Variants in ERC2 observed in about 807,000 individuals in gnomAD.
ERC2 encodes the protein ERC protein 2.
ERC2 carries 42 observed loss-of-function variants against 114.8 expected under a neutral mutation model. That is an observed-to-expected ratio of 0.37 (90% CI 0.29 to 0.47). ERC2 has a LOEUF of 0.47. ERC2 is among the 20% of genes least tolerant of loss of function. ERC2 has a pLI of 0.99. For synonymous variants in ERC2, 454 were observed against 425.5 expected (o/e 1.07, Z -0.82); for missense variants, 939 against 1,150.7 (o/e 0.82, Z 2.66).
intron 14 of ERC2, among the ~76,000 whole-genome samples, chr3:55,829,690 T>C (rs1386955245): frequency 6.6e-6 from 1 of 152,134 alleles, no homozygotes; most frequent in Non-Finnish European, 1.5e-5. Flanking sequence ...AATTGCTTTT[T>C]AAAATTTTTT....
intron 17 of ERC2, among the ~76,000 whole-genome samples, chr3:55,621,211 A>G (rs2059315392): frequency 6.6e-6 from 1 of 151,804 alleles, no homozygotes; most frequent in East Asian, 1.9e-4. Flanking sequence ...CCAAAGACCT[A>G]AAAGAGGGAG....
chr3:56,346,665 A>G (rs1431176001), intron 2 of ERC2, among the ~76,000 whole-genome samples: 2 of 152,242 alleles, frequency 1.3e-5, no homozygotes, highest in East Asian at 3.9e-4. Flanking sequence ...CAACTCTTGC[A>G]GCAAAGGCAA....
intron 6 of ERC2, among the ~76,000 whole-genome samples, chr3:56,108,157 T>C (rs1264380619): frequency 3.9e-5 from 6 of 152,194 alleles, no homozygotes; most frequent in African/African-American, 1.4e-4. Flanking sequence ...AGCACTTTAA[T>C]TGATATTAAA....
chr3:55,806,430 C>A (rs2059496164), intron 14 of ERC2, among the ~76,000 whole-genome samples: 1 of 151,822 alleles, frequency 6.6e-6, no homozygotes, highest in Non-Finnish European at 1.5e-5. Context: ...AAGAGAGTCA[C>A]TGTCCAAAGG....
rs372154396 is a variant in ERC2 at position 56,239,111 on chromosome 3, G to A, written c.1074+56908C>T. ...GTTTATCACACTCTAATGATCAACT[G>A]GCAATTAATCCTTAACCACCTCCCA... On this transcript the variant is annotated intron_variant, in intron 3 of 17. Coordinates refer to ENST00000288221, the MANE Select transcript of ERC2 (RefSeq NM_015576.3). 8.5e-5 allele frequency among the ~76,000 whole-genome samples: 13 copies of A among 152,248 alleles called. No individual in the cohort carries two copies. In the East Asian group the frequency reaches 2.5e-3, roughly 29 times the overall value.
chr3:55,715,566 A>G (rs1266533587), intron 15 of ERC2, among the ~76,000 whole-genome samples: 2 of 152,174 alleles, frequency 1.3e-5, no homozygotes, highest in Non-Finnish European at 2.9e-5. Flanking sequence ...CAGAAACAGC[A>G]TGTGCCTGGG....
chr3:55,993,631 A>G (rs927631041), intron 10 of ERC2, among the ~76,000 whole-genome samples: 6 of 151,900 alleles, frequency 3.9e-5, no homozygotes, highest in Admixed American at 6.6e-5. Context: ...AGTTGCTTTC[A>G]TGTTCTTAAA....
chr3:56,238,109 A>G (rs1445018279), intron 3 of ERC2, among the ~76,000 whole-genome samples: 2 of 152,138 alleles, frequency 1.3e-5, no homozygotes, highest in Non-Finnish European at 2.9e-5. Context: ...CCCAAAATGC[A>G]GGGTTTTTTC....
chr3:56,273,262 C>CTT (rs35595771), intron 3 of ERC2, among the ~76,000 whole-genome samples: 296 of 93,718 alleles, frequency 3.2e-3, no homozygotes, highest in Middle Eastern at 6.1e-3. Context: ...TTTTTTCTTT[C>CTT]TTTTTTTTTT....
At chr3:56,428,934 T>G (rs1012928162) in intron 2 of ERC2, among the ~76,000 whole-genome samples, 1 of 152,244 alleles carries the variant, frequency 6.6e-6, no homozygotes, top group South Asian at 2.1e-4. Context: ...GTGCTATTTA[T>G]ATTCATGCAG....
intron 12 of ERC2, among the ~76,000 whole-genome samples, chr3:55,957,699 G>C (rs565791494): frequency 6.6e-6 from 1 of 152,150 alleles, no homozygotes; most frequent in Admixed American, 6.5e-5. Context: ...TGACTACTAC[G>C]CACAGCCAGG....
rs376833263 is a variant in ERC2 at position 55,831,623 on chromosome 3, G to A, written c.2564+56766C>T. 7.4e-4 allele frequency among the ~76,000 whole-genome samples: 112 copies of A among 152,182 alleles called. 1 individual carries two copies. In the South Asian group the frequency reaches 0.021, roughly 28 times the overall value. ...ATCAATTAAAAGACAGAACCTGGTC[G>A]GGCAGCCAAGATGGCCGAATAGGAA... On this transcript the variant is annotated intron_variant, in intron 14 of 17. Coordinates refer to ENST00000288221, the MANE Select transcript of ERC2 (RefSeq NM_015576.3).
At chr3:55,949,574 C>T (rs2067356793) in intron 13 of ERC2, among the ~76,000 whole-genome samples, 1 of 152,002 alleles carries the variant, frequency 6.6e-6, no homozygotes, top group Non-Finnish European at 1.5e-5. Context: ...GTATTTCCTA[C>T]ACTGGAATAA....
At chr3:56,007,469 C>T (rs1195343036) in intron 9 of ERC2, 148 bp from the exon 10 acceptor site, 3 of 756,554 alleles carry the variant, frequency 4.0e-6, no homozygotes, top group African/African-American at 3.7e-5. Context: ...CAATAGTCAG[C>T]TCTGGTCAGG....
intron 14 of ERC2, among the ~76,000 whole-genome samples, chr3:55,782,731 G>A (rs1297444190): frequency 1.3e-5 from 2 of 152,118 alleles, no homozygotes; most frequent in Non-Finnish European, 2.9e-5. Context: ...TGACAGACTC[G>A]CCTTTTCCTA....
intron 7 of ERC2, among the ~76,000 whole-genome samples, chr3:56,035,021 CA>C (rs765065723): frequency 6.6e-6 from 1 of 151,426 alleles, no homozygotes; most frequent in East Asian, 1.9e-4. Flanking sequence ...ACCGAAAGAA[CA>C]AAAAAACTAA....
At chr3:56,011,739 A>G (rs1348383008) in intron 8 of ERC2, among the ~76,000 whole-genome samples, 3 of 152,186 alleles carry the variant, frequency 2.0e-5, no homozygotes, top group Non-Finnish European at 4.4e-5. Context: ...TGGCCATGTT[A>G]AAAAATACTG....
At chr3:56,204,230 T>A (rs2048572006) in intron 3 of ERC2, among the ~76,000 whole-genome samples, 3 of 152,070 alleles carry the variant, frequency 2.0e-5, no homozygotes. Flanking sequence ...TTTGAGTGCA[T>A]CAGGTTGCTC....
chr3:56,193,494 G>A (rs1462258833), intron 3 of ERC2, among the ~76,000 whole-genome samples: 13 of 150,568 alleles, frequency 8.6e-5, no homozygotes, highest in South Asian at 2.1e-4. Context: ...GTGACCGAGC[G>A]AGACTCTGTC....
Sources: allele counts gnomAD v4.1 joint callset (sites outside exome capture counted in the v4.1 genomes callset), GRCh38; gene constraint gnomAD v4.1.1; transcripts MANE v1.5; gene names NCBI Gene and HGNC (gene_info 2026-07-23, HGNC 2026-07-21).